Variants in CEP55 observed in about 807,000 individuals in gnomAD.
The protein encoded by CEP55 is centrosomal protein 55.
A neutral mutation model predicts 63.2 loss-of-function variants in CEP55; 57 were observed. The ratio of observed to expected loss-of-function variants is 0.90; its 90% CI spans 0.73 to 1.13. The LOEUF is 1.13. CEP55 is among the 50% of genes most tolerant of loss of function. The probability of loss-of-function intolerance (pLI) is 0.00; values close to 1 mark genes in which losing one functional copy is unlikely to be tolerated. For synonymous variants in CEP55, 178 were observed against 191.6 expected (o/e 0.93, Z 0.59); for missense variants, 456 against 518.9 (o/e 0.88, Z 1.18).
At chr10:93,516,320 A>G (rs553241601) in intron 5 of CEP55, among the ~76,000 whole-genome samples, 1 of 152,332 alleles carries the variant, frequency 6.6e-6, no homozygotes, top group South Asian at 2.1e-4. Flanking sequence ...CTAAAAAGAA[A>G]CTATAAATGT....
At chr10:93,521,584 T>C (rs1236659304) in intron 8 of CEP55, among the ~76,000 whole-genome samples, 1 of 152,150 alleles carries the variant, frequency 6.6e-6, no homozygotes, top group African/African-American at 2.4e-5. Flanking sequence ...GTCTGACAGA[T>C]TGGAAGACAG....
intron 4 of CEP55, among the ~76,000 whole-genome samples, chr10:93,513,193 G>A (rs931253760): frequency 1.3e-5 from 2 of 152,158 alleles, no homozygotes; most frequent in Non-Finnish European, 2.9e-5. Flanking sequence ...AAAGTGTCTG[G>A]TAAAGTGGCT....
chr10:93,512,265 C>T lies in CEP55; in HGVS notation c.529-3140C>T, dbSNP rs1260582389. 2.0e-5 allele frequency among the ~76,000 whole-genome samples: 3 copies of T among 149,794 alleles called. No individual in the cohort carries two copies. The East Asian group carries it at 5.9e-4, about 30-fold the overall frequency. On this transcript the variant is annotated intron_variant, in intron 4 of 8. Coordinates refer to ENST00000371485, the MANE Select transcript of CEP55 (RefSeq NM_018131.5). ...ATTGGCCGGGCTCAGTGGCTCATGC[C>T]TGCAATCCCAGCACTTTGGGAGGCC...
chr10:93,520,669 G>A (rs1258504227), intron 8 of CEP55, among the ~76,000 whole-genome samples: 2 of 151,782 alleles, frequency 1.3e-5, no homozygotes, highest in Non-Finnish European at 2.9e-5. Flanking sequence ...TTGAATATAT[G>A]TCTGTCCCAC....
chr10:93,518,895 T>C lies in CEP55; in HGVS notation c.1012T>C (p.Ser338Pro), dbSNP rs1564767649. The change falls in exon 7 of 9, where the codon TCT (serine) becomes CCT (proline). Residue 338 changes from serine to proline, a missense_variant. Coordinates refer to ENST00000371485, the MANE Select transcript of CEP55 (RefSeq NM_018131.5). ...LLSQVQFLYTSLLKQQEEQTR... is the reference protein window; with the variant it reads ...LLSQVQFLYTPLLKQQEEQTR... ...CCTACAGGTCCAGTTTCTTTACACA[T>C]CTCTGCTAAAGCAGCAAGAAGAACA... is the stretch of plus-strand genomic sequence containing the variant. 6.2e-7 allele frequency: 1 copy of C among 1,611,032 alleles called. No individual in the cohort carries two copies. Among genetic ancestry groups the C allele is most frequent in the South Asian group, 1.1e-5 (1 of 90,888 alleles).
rs143021895 is a variant in CEP55 at position 93,506,628 on chromosome 10, C to T, written c.460-360C>T. ...TATTGCTCAGGCTGGAGTGCAGTGG[C>T]GCAATCTCGGCTCACTGCAGCCTCC... On this transcript the variant is annotated intron_variant, in intron 3 of 8. Coordinates refer to ENST00000371485, the MANE Select transcript of CEP55 (RefSeq NM_018131.5). 5.8e-3 allele frequency among the ~76,000 whole-genome samples: 886 copies of T among 152,182 alleles called. 3 individuals carry two copies. Among genetic ancestry groups the T allele is most frequent in the Non-Finnish European group, 0.011 (721 of 67,996 alleles).
At chr10:93,497,712 T>A (rs1274266118) in intron 1 of CEP55, among the ~76,000 whole-genome samples, 1 of 129,622 alleles carries the variant, frequency 7.7e-6, no homozygotes, top group East Asian at 2.3e-4. Context: ...GGTACTAGAT[T>A]GTGTAGGGGT....
At chr10:93,502,881 T>G (rs1420094074) in intron 2 of CEP55, among the ~76,000 whole-genome samples, 1 of 152,248 alleles carries the variant, frequency 6.6e-6, no homozygotes, top group Non-Finnish European at 1.5e-5. Flanking sequence ...TCTGTGCTCA[T>G]TTTTTAATCT....
chr10:93,507,013 C>A lies in CEP55; in HGVS notation c.485C>A (p.Ser162Ter). The change falls in exon 4 of 9, where the codon TCA becomes TAA. Residue 162 changes from serine to a stop codon, truncating the protein, a stop_gained. Coordinates refer to ENST00000371485, the MANE Select transcript of CEP55 (RefSeq NM_018131.5). LOFTEE classifies it high-confidence loss of function. ...ACTGTGGCTCCAAACTGCTTCAACT[C>A]ATCAATAAATAATATTCATGAAATG... ...SQTVAPNCFN[S>*]SINNIHEMEI... 6.3e-7 allele frequency: 1 copy of A among 1,589,268 alleles called. No homozygotes were observed. Among genetic ancestry groups the A allele is most frequent in the Non-Finnish European group, 8.6e-7 (1 of 1,158,096 alleles).
At chr10:93,497,841 G>A (rs1480305443) in intron 1 of CEP55, among the ~76,000 whole-genome samples, 1 of 151,876 alleles carries the variant, frequency 6.6e-6, no homozygotes, top group East Asian at 2.0e-4. Context: ...AAAGGTGGCC[G>A]GGCGCGGTGG....
intron 3 of CEP55, among the ~76,000 whole-genome samples, chr10:93,503,965 C>G (rs2057661419): frequency 6.6e-6 from 1 of 150,708 alleles, no homozygotes; most frequent in Non-Finnish European, 1.5e-5. Flanking sequence ...TGTTCTAAAT[C>G]TTAGTTTCTT....
At chr10:93,513,353 C>T (rs2057770799) in intron 4 of CEP55, among the ~76,000 whole-genome samples, 1 of 152,146 alleles carries the variant, frequency 6.6e-6, no homozygotes, top group Admixed American at 6.5e-5. Context: ...GTAGAAAGAG[C>T]CTAACAAAGC....
rs767321494 is a variant in CEP55 at position 93,528,116 on chromosome 10, G to C, written c.1358G>C (p.Arg453Pro). The change falls in exon 9 of 9, where the codon CGC becomes CCC. Residue 453 changes from arginine to proline, a missense_variant. Coordinates refer to ENST00000371485, the MANE Select transcript of CEP55 (RefSeq NM_018131.5). Reference protein sequence around the residue: ...CNIQYPATEHRDLLVHVEYCS... With the variant: ...CNIQYPATEHPDLLVHVEYCS... ...ATACAGTATCCAGCCACTGAGCATC[G>C]CGATCTGCTTGTCCATGTGGAATAC... 6.2e-7 allele frequency: 1 copy of C among 1,613,976 alleles called. No individual in the cohort carries two copies. Among genetic ancestry groups the C allele is most frequent in the Non-Finnish European group, 8.5e-7 (1 of 1,179,982 alleles).
Position 93,500,047 on chromosome 10 carries a change from C to G in CEP55, c.-5C>G, listed in dbSNP as rs773616399. ...TGATTTTTATTTTTACAGACCATTT[C>G]AGAGATGTCTTCCAGAAGTACCAAA... On this transcript the variant is annotated 5_prime_UTR_variant, in exon 2 of 9. Coordinates refer to ENST00000371485, the MANE Select transcript of CEP55 (RefSeq NM_018131.5). 1.3e-5 allele frequency: 20 copies of G among 1,593,264 alleles called. No individual in the cohort carries two copies. Among genetic ancestry groups the G allele is most frequent in the Non-Finnish European group, 1.7e-5 (20 of 1,171,360 alleles).
At position 93,528,071 on chromosome 10, in the gene CEP55, T is replaced by C; in HGVS notation, c.1313T>C (p.Val438Ala). The change falls in exon 9 of 9, where the codon GTG becomes GCG. Residue 438 changes from valine (V) to alanine (A), a missense_variant. Coordinates refer to ENST00000371485, the MANE Select transcript of CEP55 (RefSeq NM_018131.5). Reference sequence around the variant, plus strand: ...ACTGCTGCACTCAATGAAAGCCTGGTGGAATGTCCCAAGTGCAATATACAG... The same window carrying C: ...ACTGCTGCACTCAATGAAAGCCTGGCGGAATGTCCCAAGTGCAATATACAG... ...SPTAALNESLVECPKCNIQYP... is the reference protein window; with the variant it reads ...SPTAALNESLAECPKCNIQYP... 1 of 1,614,058 alleles carries C rather than the reference T, an allele frequency of 6.2e-7. No individual in the cohort carries two copies. The highest frequency in any genetic ancestry group is 8.5e-7 in the Non-Finnish European group (1 of 1,179,984).
chr10:93,518,938 T>C lies in CEP55; in HGVS notation c.1055T>C (p.Leu352Ser), dbSNP rs556217169. 9 of 1,613,000 alleles carry C rather than the reference T, an allele frequency of 5.6e-6. No individual in the cohort carries two copies. The African/African-American group carries it at 9.3e-5, about 17-fold the overall frequency. Residue 352 changes from leucine (L) to serine (S), a missense_variant, in exon 7 of 9, where the codon TTG (leucine) becomes TCG (serine). Coordinates refer to ENST00000371485, the MANE Select transcript of CEP55 (RefSeq NM_018131.5). ...QQEEQTRVAL[L>S]EQQMQACTLD... ...GAAGAACAAACAAGGGTAGCTCTGT[T>C]GGAACAACAGGTACTCATTCGGGTT... is the stretch of plus-strand genomic sequence containing the variant.
At position 93,516,575 on chromosome 10, in the gene CEP55, G is replaced by A. The variant is rs7908961; in HGVS notation, c.680-360G>A. On this transcript the variant is annotated intron_variant, in intron 5 of 8. Transcript: ENST00000371485. ...CCCTGTCTTTCCCATCCCAATCCCC[G>A]TTTCTTCCTCCCATCAGGCAACTGC... Among the ~76,000 whole-genome samples the A allele has an allele frequency of 7.3e-3, 1,103 of 151,748 alleles. 12 individuals carry two copies. The highest frequency in any genetic ancestry group is 0.025 in the African/African-American group (1,030 of 41,352).
chr10:93,528,996 T>C lies in CEP55; in HGVS notation c.*843T>C, dbSNP rs1025084687. The stretch of plus-strand genomic sequence containing the variant: ...AACAGGTATTTTTATACATGCTTTT[T>C]GTAAACCAAAAACTTTTAAATTTCT... On this transcript the variant is annotated 3_prime_UTR_variant, in exon 9 of 9. Transcript: ENST00000371485. The C allele has an allele frequency of 2.0e-5, 3 of 152,366 alleles. No individual in the cohort carries two copies. Among genetic ancestry groups the C allele is most frequent in the South Asian group, 2.1e-4 (1 of 4,832 alleles). 9.4% of individuals were successfully genotyped at this position (152,366 alleles called of 1,614,324 possible).
At chr10:93,519,138 G>T in intron 7 of CEP55, 190 bp downstream of exon 7, 1 of 535,690 alleles carries the variant, frequency 1.9e-6, no homozygotes, top group Non-Finnish European at 3.4e-6. Context: ...TATTCCTGTT[G>T]CTGACCTTAG....
Sources: gnomAD v4.1 joint callset for allele counts (sites outside exome capture counted in the v4.1 genomes callset) on GRCh38, gnomAD v4.1.1 for gene constraint, MANE v1.5 for transcripts, NCBI Gene and HGNC (gene_info 2026-07-23, HGNC 2026-07-21) for gene names.